Variants in OTUD7B observed in about 807,000 individuals in gnomAD.
OTUD7B encodes the protein OTU domain-containing protein 7B.
Under a neutral mutation model 82.2 loss-of-function variants are expected in OTUD7B, and 34 were observed. That is an observed-to-expected ratio of 0.41 (90% CI 0.31 to 0.55). The LOEUF (loss-of-function observed/expected upper bound fraction) is 0.55, where lower values mean the gene tolerates loss of function less well. Ranked by LOEUF, OTUD7B falls within the 20% of genes least tolerant of loss-of-function variation. The pLI, the probability that OTUD7B is intolerant of heterozygous loss-of-function variation, is 0.20. For missense variants in OTUD7B, 944 were observed against 1,062.1 expected, an observed-to-expected ratio of 0.89 and a Z score of 1.55; for synonymous variants, 398 against 402.7, an observed-to-expected ratio of 0.99 and a Z score of 0.14.
chr1:150,025,140 G>C, the OTUD7B span, among the ~76,000 whole-genome samples: 3 of 150,104 alleles, frequency 2.0e-5, no homozygotes, highest in Non-Finnish European at 4.5e-5. Context: ...AGGTCTCAGG[G>C]GCTGGGCGCG....
chr1:149,944,663 G>C lies in OTUD7B; in HGVS notation c.1726C>G (p.Pro576Ala), dbSNP rs782140693. Residue 576 changes from proline to alanine, a missense_variant, in exon 12 of 12, where the codon CCC becomes GCC. Physicochemically the swap from Pro to Ala is conservative, Grantham distance 27. Around this residue, in one of 3 missense-constraint regions of OTUD7B, gnomAD observed 412 missense variants for 418.7 expected, o/e 0.98. Coordinates refer to ENST00000581312, the MANE Select transcript of OTUD7B (RefSeq NM_020205.4). ...AAGDGPVSEKPPAESVGNGGS... is the reference protein window; with the variant it reads ...AAGDGPVSEKAPAESVGNGGS... ...CCGTTACCAACAGACTCAGCTGGGG[G>C]CTTCTCAGACACAGGCCCATCCCCA... The C allele has an allele frequency of 2.5e-5, 41 of 1,613,686 alleles. No individual in the cohort carries two copies. Among genetic ancestry groups the C allele is most frequent in the Non-Finnish European group, 3.1e-5 (37 of 1,180,008 alleles).
chr1:150,036,676 A>C, the OTUD7B span, among the ~76,000 whole-genome samples: 1 of 152,238 alleles, frequency 6.6e-6, no homozygotes, highest in Admixed American at 6.5e-5. Flanking sequence ...GTGAATATGA[A>C]AAATTTGTTT....
the OTUD7B span, among the ~76,000 whole-genome samples, chr1:150,064,359 CTT>C: frequency 6.6e-6 from 1 of 151,804 alleles, no homozygotes; most frequent in East Asian, 1.9e-4. Context: ...TCTTTTCTCT[CTT>C]CTCTTCTCTT....
At chr1:149,983,860 T>C (rs1179339771) in intron 1 of OTUD7B, among the ~76,000 whole-genome samples, 2 of 152,130 alleles carry the variant, frequency 1.3e-5, no homozygotes, top group African/African-American at 2.4e-5. Flanking sequence ...TCTTGCAAAA[T>C]AGCGCTAAAC....
At position 149,944,343 on chromosome 1, in the gene OTUD7B, C is replaced by A; in HGVS notation, c.2046G>T (p.Glu682Asp). ...REEQPTGPPA[E>D]SRAMAFSTGY... is the part of the protein sequence containing the mutation. The stretch of plus-strand genomic sequence containing the variant: ...CAGTGGAAAATGCCATTGCCCTGGA[C>A]TCTGCTGGGGGACCGGTCGGCTGCT... The change falls in exon 12 of 12, where the codon GAG (glutamate) becomes GAT (aspartate). Residue 682 changes from glutamate (E) to aspartate (D), a missense_variant. By Grantham distance (45) the Glu-to-Asp change is conservative. This residue lies in a region of OTUD7B where 412 missense variants were observed against 418.7 expected (regional missense o/e 0.98). Transcript: ENST00000581312. 1 of 1,613,056 alleles carries A rather than the reference C, an allele frequency of 6.2e-7. No individual in the cohort carries two copies. The highest frequency in any genetic ancestry group is 8.5e-7 in the Non-Finnish European group (1 of 1,179,420).
chr1:150,013,227 T>C (rs1653152479), upstream of OTUD7B, among the ~76,000 whole-genome samples: 1 of 152,208 alleles, frequency 6.6e-6, no homozygotes. Context: ...TAGAGATCTG[T>C]TTTTGTTTAC....
At chr1:150,051,312 A>C in the OTUD7B span, among the ~76,000 whole-genome samples, 1 of 151,136 alleles carries the variant, frequency 6.6e-6, no homozygotes, top group African/African-American at 2.4e-5. Context: ...ACATCTCTGT[A>C]ATTTACCTGG....
chr1:150,041,869 A>T, the OTUD7B span, among the ~76,000 whole-genome samples: 1 of 151,912 alleles, frequency 6.6e-6, no homozygotes, highest in African/African-American at 2.4e-5. Flanking sequence ...ATTGAGTTTA[A>T]TGTTTGGTTC....
upstream of OTUD7B, among the ~76,000 whole-genome samples, chr1:150,010,978 A>G: frequency 6.6e-6 from 1 of 152,156 alleles, no homozygotes; most frequent in East Asian, 1.9e-4. Context: ...GTGGACTCTT[A>G]GGACTCTGGG....
At chr1:150,046,761 C>G in the OTUD7B span, among the ~76,000 whole-genome samples, 11 of 151,240 alleles carry the variant, frequency 7.3e-5, no homozygotes, top group Admixed American at 3.9e-4. Flanking sequence ...CAGTGGCATC[C>G]TTATTCAAAA....
At chr1:149,981,079 GGAGGAGGAGGAGGAA>G (rs1421515925) in intron 1 of OTUD7B, among the ~76,000 whole-genome samples, 1 of 149,564 alleles carries the variant, frequency 6.7e-6, no homozygotes, top group Non-Finnish European at 1.5e-5. Context: ...GTCTCAGGGA[GGAGGAGGAGGAGGAA>G]GAGGAGGAGG....
At chr1:150,023,809 A>G in the OTUD7B span, among the ~76,000 whole-genome samples, 15 of 152,224 alleles carry the variant, frequency 9.9e-5, no homozygotes, top group African/African-American at 3.4e-4. Flanking sequence ...CAAAAAAGGT[A>G]GGCTAGGTGA....
At position 149,981,103 on chromosome 1, in the gene OTUD7B, G is replaced by A. The variant is rs587724374; in HGVS notation, c.-66-3527C>T. Among the ~76,000 whole-genome samples, 5 of 150,798 alleles carry A rather than the reference G, an allele frequency of 3.3e-5. No homozygotes were observed. In the South Asian group the frequency reaches 8.4e-4, roughly 25 times the overall value. Reference sequence around the variant, plus strand: ...AGGAGGAGGAGGAGGAAGAGGAGGAGGAAGAGGAGGAGGAGGGGGAGGGGG... The same window carrying A: ...AGGAGGAGGAGGAGGAAGAGGAGGAAGAAGAGGAGGAGGAGGGGGAGGGGG... On this transcript the variant is annotated intron_variant, in intron 1 of 11. Transcript: ENST00000581312.
chr1:149,960,462 G>A (rs1649078103), intron 6 of OTUD7B, among the ~76,000 whole-genome samples: 1 of 126,974 alleles, frequency 7.9e-6, no homozygotes, highest in Admixed American at 1.0e-4. Flanking sequence ...TCGGCTCACT[G>A]CAAACTTCAC....
intron 1 of OTUD7B, among the ~76,000 whole-genome samples, chr1:149,994,673 C>A (rs1392108488): frequency 1.3e-4 from 19 of 151,668 alleles, no homozygotes; most frequent in Admixed American, 9.8e-4. Context: ...CGCAGTGGCA[C>A]GATCATAGCT....
At chr1:150,013,507 A>G (rs72692835), upstream of OTUD7B, among the ~76,000 whole-genome samples, 8,548 of 152,264 alleles carry the variant, frequency 0.056, 315 homozygotes, top group Non-Finnish European at 0.088. Flanking sequence ...CACCAATATA[A>G]TTTAGACCAT....
chr1:150,046,424 C>T, the OTUD7B span, among the ~76,000 whole-genome samples: 1 of 149,694 alleles, frequency 6.7e-6, no homozygotes, highest in Non-Finnish European at 1.5e-5. Flanking sequence ...CTGATCCTCT[C>T]CTCAAAGCTC....
the OTUD7B span, among the ~76,000 whole-genome samples, chr1:150,064,823 G>A: frequency 1.3e-5 from 2 of 152,138 alleles, no homozygotes; most frequent in Non-Finnish European, 2.9e-5. Context: ...ATAGTAAATA[G>A]AGAATTAATA....
intron 1 of OTUD7B, among the ~76,000 whole-genome samples, chr1:150,008,950 G>A (rs1041654331): frequency 6.6e-6 from 1 of 152,096 alleles, no homozygotes; most frequent in East Asian, 1.9e-4. Flanking sequence ...AAATTAGAAC[G>A]GTCGGGGGTA....
Sources: gnomAD v4.1 joint callset for allele counts (sites outside exome capture counted in the v4.1 genomes callset) on GRCh38, gnomAD v4.1.1 for gene constraint, gnomAD v4.1.1 regional missense constraint, MANE v1.5 for transcripts, NCBI Gene and HGNC (gene_info 2026-07-23, HGNC 2026-07-21) for gene names.